MRI1: variants seen among roughly 807,000 people sequenced by gnomAD.
The protein encoded by MRI1 is methylthioribose-1-phosphate isomerase 1.
Under a neutral mutation model 27.3 loss-of-function variants are expected in MRI1, and 32 were observed. The observed-to-expected ratio is 1.17, with a 90% confidence interval of 0.88 to 1.57. The LOEUF is 1.57. MRI1 is among the 40% of genes most tolerant of loss of function. MRI1 has a pLI of 0.00. For synonymous variants in MRI1, 216 were observed against 227.4 expected (o/e 0.95, Z 0.45); for missense variants, 508 against 516.1 (o/e 0.98, Z 0.15).
chr19:13,772,011 C>T (rs1010998219), intron 5 of MRI1, 110 bp from the exon 6 acceptor site: 1 of 1,062,196 alleles, frequency 9.4e-7, no homozygotes, highest in African/African-American at 1.6e-5. Flanking sequence ...CTCAGGTTCT[C>T]AAGGACTCCC....
rs1254918747 is a variant in MRI1 at position 13,768,630 on chromosome 19, A to G, written c.617A>G (p.Asn206Ser). ...HAFCTETRPYNQGARLTAFEL... is the reference protein window; with the variant it reads ...HAFCTETRPYSQGARLTAFEL... ...TTCTGCACAGAGACCCGGCCCTACA[A>G]CCAGGGAGCCCGGCTGACGGCCTTT... The change falls in exon 4 of 6, where the codon AAC becomes AGC. Residue 206 changes from asparagine (N) to serine (S), a missense_variant. Asn to Ser is a conservative substitution (Grantham distance 46). Around this residue, in one of 3 missense-constraint regions of MRI1, gnomAD observed 457 missense variants for 452.8 expected, o/e 1.01. Coordinates refer to ENST00000040663, the MANE Select transcript of MRI1 (RefSeq NM_001031727.4). 18 of 1,613,422 alleles carry G rather than the reference A, an allele frequency of 1.1e-5. No homozygotes were observed. The highest frequency in any genetic ancestry group is 1.4e-5 in the Non-Finnish European group (17 of 1,179,892).
At position 13,772,106 on chromosome 19, in the gene MRI1, C is replaced by G; in HGVS notation, c.950-15C>G. The G allele has an allele frequency of 6.3e-7, 1 of 1,595,310 alleles. No individual in the cohort carries two copies. The highest frequency in any genetic ancestry group is 8.5e-7 in the Non-Finnish European group (1 of 1,169,866). ...GCAAATTCTTGCCTCCTTGCCTCCC[C>G]TCTCTCCCCTGCAGGGATTGGAGTT... On this transcript the variant is annotated splice_polypyrimidine_tract_variant and intron_variant, in intron 5 of 5. Transcript: ENST00000040663.
At chr19:13,766,949 G>A (rs1167756328) in intron 3 of MRI1, among the ~76,000 whole-genome samples, 3 of 142,604 alleles carry the variant, frequency 2.1e-5, no homozygotes, top group Non-Finnish European at 4.5e-5. Flanking sequence ...CAAAATCCAT[G>A]GATGCTCAAG....
chr19:13,766,903 C>A (rs1197389017), intron 3 of MRI1, among the ~76,000 whole-genome samples: 1 of 151,106 alleles, frequency 6.6e-6, no homozygotes, highest in Non-Finnish European at 1.5e-5. Flanking sequence ...CCTTCAATAT[C>A]TGTGGGGGAC....
chr19:13,769,924 A>G (rs1286610099), intron 5 of MRI1, among the ~76,000 whole-genome samples: 1 of 151,998 alleles, frequency 6.6e-6, no homozygotes, highest in East Asian at 1.9e-4. Flanking sequence ...TGTCTCAAAA[A>G]AAAAAAAGAA....
In MRI1 at chr19:13,768,666, A is replaced by G. The variant is rs202028355; in HGVS notation, c.653A>G (p.Tyr218Cys). 38 of 1,613,954 alleles carry G rather than the reference A, an allele frequency of 2.4e-5. No homozygotes were observed. In the East Asian group the frequency reaches 3.1e-4, roughly 13 times the overall value. Residue 218 changes from tyrosine to cysteine, a missense_variant, in exon 4 of 6, where the codon TAT becomes TGT. Tyr to Cys is a radical substitution (Grantham distance 194). Around this residue, in one of 3 missense-constraint regions of MRI1, gnomAD observed 457 missense variants for 452.8 expected, o/e 1.01. Transcript: ENST00000040663. ...CGGCTGACGGCCTTTGAGCTGGTCTATGAGCAGATCCCCGCCACCCTTATC... is the reference window on the plus strand; with the variant it reads ...CGGCTGACGGCCTTTGAGCTGGTCTGTGAGCAGATCCCCGCCACCCTTATC... ...GARLTAFELV[Y>C]EQIPATLITD...
In MRI1 at chr19:13,768,696, A is replaced by G. The variant is rs1399261045; in HGVS notation, c.683A>G (p.Asp228Gly). 3.1e-6 allele frequency: 5 copies of G among 1,613,986 alleles called. No homozygotes were observed. The highest frequency in any genetic ancestry group is 2.2e-5 in the East Asian group (1 of 44,890). Residue 228 changes from aspartate to glycine, a missense_variant, in exon 4 of 6, where the codon GAC becomes GGC. Physicochemically the swap from Asp to Gly is moderately conservative, Grantham distance 94. Around this residue, in one of 3 missense-constraint regions of MRI1, gnomAD observed 457 missense variants for 452.8 expected, o/e 1.01. Coordinates refer to ENST00000040663, the MANE Select transcript of MRI1 (RefSeq NM_001031727.4). ...YEQIPATLIT[D>G]SMVAAAMAHR... is the part of the protein sequence containing the mutation. ...CAGATCCCCGCCACCCTTATCACCGACAGCATGGTGGCTGCTGCCATGGCC... is the reference window on the plus strand; with the variant it reads ...CAGATCCCCGCCACCCTTATCACCGGCAGCATGGTGGCTGCTGCCATGGCC...
At chr19:13,771,544 A>G (rs1974268763) in intron 5 of MRI1, among the ~76,000 whole-genome samples, 1 of 151,910 alleles carries the variant, frequency 6.6e-6, no homozygotes. Flanking sequence ...AATAATAATA[A>G]TAATTAAAAA....
intron 2 of MRI1, among the ~76,000 whole-genome samples, chr19:13,765,584 C>T (rs1974104356): frequency 1.3e-5 from 2 of 152,182 alleles, no homozygotes. Flanking sequence ...GGCCAGGTAT[C>T]CATAGCGCCC....
In MRI1 at chr19:13,764,709, C is replaced by G. The variant is rs922244952; in HGVS notation, c.121C>G (p.Arg41Gly). 6.7e-7 allele frequency: 1 copy of G among 1,498,578 alleles called. No individual in the cohort carries two copies. Among genetic ancestry groups the G allele is most frequent in the Non-Finnish European group, 8.9e-7 (1 of 1,125,610 alleles). The allele number at this position is 1,498,578 out of a possible 1,614,324, so 92.8% of individuals were successfully genotyped here. The change falls in exon 1 of 6, where the codon CGC becomes GGC. Residue 41 changes from arginine (R) to glycine (G), a missense_variant. By Grantham distance (125) the Arg-to-Gly change is moderately radical. Around this residue, in one of 3 missense-constraint regions of MRI1, gnomAD observed 19 missense variants for 43.0 expected, o/e 0.44. Coordinates refer to ENST00000040663, the MANE Select transcript of MRI1 (RefSeq NM_001031727.4). ...GGTGCACCAGGCCTGGGAGGCCATCCGCGCCATGAAGGTGCAGCGGGGCGG... is the reference window on the plus strand; with the variant it reads ...GGTGCACCAGGCCTGGGAGGCCATCGGCGCCATGAAGGTGCAGCGGGGCGG... ...GSVHQAWEAI[R>G]AMKVRGAPAI...
chr19:13,766,207 A>C (rs746764298), intron 3 of MRI1, 78 bp downstream of exon 3: 19 of 1,354,494 alleles, frequency 1.4e-5, no homozygotes, highest in Non-Finnish European at 1.8e-5. Context: ...TCCCAAACCC[A>C]AACCACTTTA....
At position 13,772,389 on chromosome 19, in the gene MRI1, G is replaced by T; in HGVS notation, c.*108G>T. ...CCTGACCACACTTGTTCCTAGTGCA[G>T]GGAGCTCAGACAGGGCCTTCCATCT... On this transcript the variant is annotated 3_prime_UTR_variant, in exon 6 of 6. Transcript: ENST00000040663. The T allele has an allele frequency of 1.8e-6, 2 of 1,129,360 alleles. No homozygotes were observed. The highest frequency in any genetic ancestry group is 2.5e-6 in the Non-Finnish European group (2 of 806,908). The allele number at this position is 1,129,360 out of a possible 1,614,324, so 70.0% of individuals were successfully genotyped here.
chr19:13,767,031 ATATATATTTTTTTTTTTTTT>A (rs1380037954), intron 3 of MRI1, among the ~76,000 whole-genome samples: 5,260 of 28,280 alleles, frequency 0.19, 108 homozygotes, highest in South Asian at 0.31. Context: ...ATATATATAT[ATATATATTTTTTTTTTTTTT>A]TTTTTTTTTT....
intron 5 of MRI1, 25 bp from the exon 6 acceptor site, chr19:13,772,096 C>CTT: frequency 6.3e-7 from 1 of 1,578,302 alleles, no homozygotes; most frequent in Non-Finnish European, 8.6e-7. Context: ...TTCTTGCCTC[C>CTT]TTGCCTCCCC....
intron 5 of MRI1, among the ~76,000 whole-genome samples, chr19:13,771,338 G>C (rs533574291): frequency 6.6e-6 from 1 of 151,968 alleles, no homozygotes; most frequent in Non-Finnish European, 1.5e-5. Flanking sequence ...CTGCACTCCA[G>C]CCTAGGTGAC....
In MRI1 at chr19:13,764,912, C is replaced by G; in HGVS notation, c.174C>G (p.Ser58Arg). The stretch of plus-strand genomic sequence containing the variant: ...CCATAGCCCTGGTGGGCTGTCTCAG[C>G]CTCGCCGTGGAGCTGCAGGCGGGCG... ...APAIALVGCL[S>R]LAVELQAGAG... is the part of the protein sequence containing the mutation. The change falls in exon 2 of 6, where the codon AGC (serine) becomes AGG (arginine). Residue 58 changes from serine (S) to arginine (R), a missense_variant. Ser to Arg is a moderately radical substitution (Grantham distance 110). Coordinates refer to ENST00000040663, the MANE Select transcript of MRI1 (RefSeq NM_001031727.4). The G allele has an allele frequency of 6.8e-7, 1 of 1,479,574 alleles. No individual in the cohort carries two copies. Among genetic ancestry groups the G allele is most frequent in the Non-Finnish European group, 8.9e-7 (1 of 1,120,316 alleles). 91.7% of individuals were successfully genotyped at this position (1,479,574 alleles called of 1,614,324 possible).
chr19:13,768,531 G>C, intron 3 of MRI1, 30 bp from the exon 4 acceptor site: 1 of 1,596,988 alleles, frequency 6.3e-7, no homozygotes, highest in Non-Finnish European at 8.5e-7. Context: ...CCTCCCCGGG[G>C]CCTTCTCCTG....
intron 3 of MRI1, among the ~76,000 whole-genome samples, chr19:13,767,734 ATTTAT>A (rs895169622): frequency 6.6e-6 from 1 of 150,584 alleles, no homozygotes. Flanking sequence ...CTTTTTATTT[ATTTAT>A]TTATTTTGGA....
chr19:13,767,029 ATATATATATTTTTTTT>A (rs1276861029), intron 3 of MRI1, among the ~76,000 whole-genome samples: 1 of 42,242 alleles, frequency 2.4e-5, no homozygotes, highest in African/African-American at 6.2e-5. Flanking sequence ...ATATATATAT[ATATATATATTTTTTTT>A]TTTTTTTTTT....
Sources: gnomAD v4.1 joint callset for allele counts (sites outside exome capture counted in the v4.1 genomes callset) on GRCh38, gnomAD v4.1.1 for gene constraint, gnomAD v4.1.1 regional missense constraint, MANE v1.5 for transcripts, NCBI Gene and HGNC (gene_info 2026-07-23, HGNC 2026-07-21) for gene names.